Variants in NEK9 observed in about 807,000 individuals in gnomAD.
The protein encoded by NEK9 is serine/threonine-protein kinase Nek9.
A neutral mutation model predicts 123.4 loss-of-function variants in NEK9; 75 were observed. That is an observed-to-expected ratio of 0.61 (90% CI 0.50 to 0.74). The LOEUF is 0.74. Ranked by LOEUF, NEK9 falls within the 30% of genes least tolerant of loss-of-function variation. The pLI is 0.00. For synonymous variants in NEK9, 438 were observed against 458.7 expected (o/e 0.95, Z 0.58); for missense variants, 952 against 1,214.4 (o/e 0.78, Z 3.21).
At chr14:75,117,922 T>C (rs576510364) in intron 5 of NEK9, among the ~76,000 whole-genome samples, 1 of 152,382 alleles carries the variant, frequency 6.6e-6, no homozygotes, top group African/African-American at 2.4e-5. Context: ...CTAGCAGCTC[T>C]AATAAAATTC....
intron 19 of NEK9, among the ~76,000 whole-genome samples, chr14:75,090,732 C>T (rs894111445): frequency 2.0e-5 from 3 of 151,956 alleles, no homozygotes; most frequent in African/African-American, 4.8e-5. Context: ...CTACTACACC[C>T]GGCTAATTTT....
chr14:75,119,209 G>C (rs956707844), intron 4 of NEK9, among the ~76,000 whole-genome samples: 1 of 151,796 alleles, frequency 6.6e-6, no homozygotes, highest in Non-Finnish European at 1.5e-5. Flanking sequence ...CTTCTCGGGA[G>C]GTTAAAGCAC....
rs568784222 is a variant in NEK9 at position 75,087,214 on chromosome 14, G to A, written c.2621C>T (p.Pro874Leu). 1 of 1,610,970 alleles carries A rather than the reference G, an allele frequency of 6.2e-7. No individual in the cohort carries two copies. The highest frequency in any genetic ancestry group is 1.7e-5 in the Admixed American group (1 of 59,956). ...TCCCTTCCCAGCACAGGTTACTGCAGGATTCAGCCGAGGTGACTAGAGAGA... is the reference window on the plus strand; with the variant it reads ...TCCCTTCCCAGCACAGGTTACTGCAAGATTCAGCCGAGGTGACTAGAGAGA... ...QVEASSPRLNPAVTCAGKGTP... is the reference protein window; with the variant it reads ...QVEASSPRLNLAVTCAGKGTP... Residue 874 changes from proline to leucine, a missense_variant, in exon 21 of 22, where the codon CCT (proline) becomes CTT (leucine). Coordinates refer to ENST00000238616, the MANE Select transcript of NEK9 (RefSeq NM_033116.6).
chr14:75,094,048 C>T (rs745467193), intron 18 of NEK9, among the ~76,000 whole-genome samples: 100 of 152,128 alleles, frequency 6.6e-4, no homozygotes, highest in South Asian at 1.2e-3. Flanking sequence ...AAATACTGTT[C>T]TAGTAAAACA....
At chr14:75,105,289 G>A (rs1894731749) in intron 13 of NEK9, among the ~76,000 whole-genome samples, 1 of 151,522 alleles carries the variant, frequency 6.6e-6, no homozygotes, top group South Asian at 2.1e-4. Context: ...AACTGGTTTG[G>A]CTAAAAGTTC....
At chr14:75,106,815 G>A in intron 11 of NEK9, 113 bp from the exon 12 acceptor site, 1 of 753,024 alleles carries the variant, frequency 1.3e-6, no homozygotes, top group South Asian at 1.8e-5. Flanking sequence ...CACATGAATT[G>A]ATTATATCCA....
At chr14:75,086,877 G>C (rs954628358) in intron 21 of NEK9, 141 bp downstream of exon 21, 2 of 823,170 alleles carry the variant, frequency 2.4e-6, no homozygotes, top group Non-Finnish European at 3.9e-6. Flanking sequence ...CTGCACTCTG[G>C]CCTGGCAACA....
chr14:75,113,648 A>C (rs1051281852), intron 7 of NEK9, among the ~76,000 whole-genome samples: 3 of 152,202 alleles, frequency 2.0e-5, no homozygotes, highest in Admixed American at 6.5e-5. Context: ...CAATATATAC[A>C]GAACAGAAGA....
Position 75,124,186 on chromosome 14 carries a change from G to C in NEK9, c.257C>G (p.Thr86Ser). 1 of 1,614,004 alleles carries C rather than the reference G, an allele frequency of 6.2e-7. No individual in the cohort carries two copies. The highest frequency in any genetic ancestry group is 8.5e-7 in the Non-Finnish European group (1 of 1,179,930). Reference sequence around the variant, plus strand: ...ACGACGTTCCTTCTCAGACAGCCGGGTCAAATCGACTTCCTTCCACACAAC... The same window carrying C: ...ACGACGTTCCTTCTCAGACAGCCGGCTCAAATCGACTTCCTTCCACACAAC... ...SLVVWKEVDL[T>S]RLSEKERRDA... Residue 86 changes from threonine to serine, a missense_variant, in exon 2 of 22, where the codon ACC (threonine) becomes AGC (serine). Physicochemically the swap from Thr to Ser is moderately conservative, Grantham distance 58. Around this residue, in one of 4 missense-constraint regions of NEK9, gnomAD observed 106 missense variants for 153.0 expected, o/e 0.69. Coordinates refer to ENST00000238616, the MANE Select transcript of NEK9 (RefSeq NM_033116.6).
chr14:75,105,942 G>C lies in NEK9; in HGVS notation c.1575+8C>G. On this transcript the variant is annotated splice_region_variant and intron_variant, in intron 13 of 21. Coordinates refer to ENST00000238616, the MANE Select transcript of NEK9 (RefSeq NM_033116.6). ...TAGGTTTTAGAAATAAGTTGCTTCT[G>C]ATTTTACCTTTTGTGGTGTATAATA... 6.2e-7 allele frequency: 1 copy of C among 1,609,908 alleles called. No homozygotes were observed. Among genetic ancestry groups the C allele is most frequent in the Non-Finnish European group, 8.5e-7 (1 of 1,176,212 alleles).
At chr14:75,089,702 ATTTTT>A (rs781617599) in intron 19 of NEK9, among the ~76,000 whole-genome samples, 2 of 137,262 alleles carry the variant, frequency 1.5e-5, no homozygotes, top group Non-Finnish European at 3.2e-5. Context: ...TGCCCAGCTA[ATTTTT>A]TTTTTTTTTT....
In NEK9 at chr14:75,120,576, AC is replaced by A; in HGVS notation, c.457del (p.Val153TrpfsTer12). The A allele has an allele frequency of 1.2e-6, 2 of 1,610,944 alleles. No homozygotes were observed. The highest frequency in any genetic ancestry group is 1.7e-6 in the Non-Finnish European group (2 of 1,177,742). ...AACAATCTGAAATAGGTACCACACC[AC>A]CATCTGCAGAGAAAAAATAAATATT... is the stretch of plus-strand genomic sequence containing the variant. ...QKDKLFEEEM[V>X]VWYLFQIVSA... On this transcript the variant is annotated frameshift_variant, in exon 4 of 22. Coordinates refer to ENST00000238616, the MANE Select transcript of NEK9 (RefSeq NM_033116.6). LOFTEE classifies it high-confidence loss of function.
intron 6 of NEK9, among the ~76,000 whole-genome samples, chr14:75,116,108 G>A (rs919972213): frequency 1.3e-5 from 2 of 152,188 alleles, no homozygotes; most frequent in African/African-American, 4.8e-5. Flanking sequence ...TGCTATGTCA[G>A]AAGTGTTTAC....
rs1026654391 is a variant in NEK9 at position 75,083,151 on chromosome 14, CA to C, written c.*1412del. On this transcript the variant is annotated 3_prime_UTR_variant, in exon 22 of 22. Transcript: ENST00000238616. Reference sequence around the variant, plus strand: ...ACATTTTGGTCTGGGGAAGATGAAACAAAATTAATTTAGCTGTTTATAGGAA... The same window carrying C: ...ACATTTTGGTCTGGGGAAGATGAAACAAATTAATTTAGCTGTTTATAGGAA... The C allele has an allele frequency of 1.8e-5, 7 of 398,352 alleles. No homozygotes were observed. Among genetic ancestry groups the C allele is most frequent in the Non-Finnish European group, 3.1e-5 (7 of 226,050 alleles). The allele number at this position is 398,352 out of a possible 1,614,324, so 24.7% of individuals were successfully genotyped here.
intron 21 of NEK9, among the ~76,000 whole-genome samples, chr14:75,085,931 C>T (rs1262792597): frequency 2.0e-5 from 3 of 151,854 alleles, no homozygotes; most frequent in African/African-American, 7.3e-5. Flanking sequence ...TGGCTCACAC[C>T]TGTAATCCTA....
rs900669177 is a variant in NEK9, at chr14:75,122,755, T to C, written c.397+1291A>G. Among the ~76,000 whole-genome samples the C allele has an allele frequency of 1.2e-4, 18 of 150,714 alleles. 1 individual carries two copies. Among genetic ancestry groups the C allele is most frequent in the African/African-American group, 3.7e-4 (15 of 41,054 alleles). The stretch of plus-strand genomic sequence containing the variant: ...TCCTGACCTTGTGATCCTCCCAAAG[T>C]GTTGGGATTACAGGCGTGAGCCACC... On this transcript the variant is annotated intron_variant, in intron 2 of 21. Coordinates refer to ENST00000238616, the MANE Select transcript of NEK9 (RefSeq NM_033116.6).
intron 1 of NEK9, 131 bp from the exon 2 acceptor site, chr14:75,124,354 T>C (rs1895445258): frequency 4.4e-6 from 3 of 680,960 alleles, no homozygotes; most frequent in Non-Finnish European, 7.4e-6. Flanking sequence ...TTTTTCCTTT[T>C]AACAGACTTT....
intron 18 of NEK9, among the ~76,000 whole-genome samples, chr14:75,094,961 T>C (rs183563835): frequency 1.3e-5 from 2 of 152,248 alleles, no homozygotes; most frequent in African/African-American, 4.8e-5. Flanking sequence ...TTGGGATGAT[T>C]CTCCTAACCA....
intron 16 of NEK9, 68 bp from the exon 17 acceptor site, chr14:75,097,338 T>A: frequency 7.4e-7 from 1 of 1,349,308 alleles, no homozygotes; most frequent in South Asian, 1.5e-5. Context: ...GGGTTCCCCA[T>A]CTTTATATCC....
Sources: gnomAD v4.1 joint callset for allele counts (sites outside exome capture counted in the v4.1 genomes callset) on GRCh38, gnomAD v4.1.1 for gene constraint, gnomAD v4.1.1 regional missense constraint, MANE v1.5 for transcripts, NCBI Gene and HGNC (gene_info 2026-07-23, HGNC 2026-07-21) for gene names.